The following ETFDH variants were observed in gnomAD, a reference collection of about 807,000 sequenced individuals.
ETFDH encodes the protein electron transfer flavoprotein-ubiquinone oxidoreductase, mitochondrial.
A neutral mutation model predicts 73.2 loss-of-function variants in ETFDH; 61 were observed. The ratio of observed to expected loss-of-function variants is 0.83; its 90% confidence interval spans 0.68 to 1.03. The LOEUF is 1.03. ETFDH is among the 50% of genes least tolerant of loss of function. The pLI is 0.00. For synonymous variants in ETFDH, 243 were observed against 253.3 expected (o/e 0.96, Z 0.39); for missense variants, 685 against 745.0 (o/e 0.92, Z 0.94).
chr4:158,674,196 G>A (rs1773656535), intron 1 of ETFDH, among the ~76,000 whole-genome samples: 2 of 151,992 alleles, frequency 1.3e-5, no homozygotes, highest in Non-Finnish European at 2.9e-5. Context: ...TTGAACTCTT[G>A]AACTGAGTTC....
chr4:158,698,567 G>A (rs555523339), intron 8 of ETFDH, among the ~76,000 whole-genome samples: 1 of 151,852 alleles, frequency 6.6e-6, no homozygotes, highest in Non-Finnish European at 1.5e-5. Context: ...AATTGGTATT[G>A]ATTAATGTAT....
intron 3 of ETFDH, among the ~76,000 whole-genome samples, chr4:158,684,055 A>G (rs1177353599): frequency 6.6e-6 from 1 of 152,186 alleles, no homozygotes; most frequent in African/African-American, 2.4e-5. Flanking sequence ...CAAGACTCCC[A>G]AGAAATATAT....
At chr4:158,702,456 C>T (rs1774489605) in intron 9 of ETFDH, among the ~76,000 whole-genome samples, 1 of 152,008 alleles carries the variant, frequency 6.6e-6, no homozygotes, top group South Asian at 2.1e-4. Context: ...CCATATCCCG[C>T]CCCCACGCCC....
At chr4:158,691,285 T>C (rs1321632911) in intron 6 of ETFDH, among the ~76,000 whole-genome samples, 2 of 152,242 alleles carry the variant, frequency 1.3e-5, no homozygotes, top group South Asian at 2.1e-4. Flanking sequence ...TTTGCATTAC[T>C]ATCAGTAGGT....
rs1314979421 is a variant in ETFDH, at chr4:158,672,600, G to C, written c.34+110G>C. 8 of 1,100,648 alleles carry C rather than the reference G, an allele frequency of 7.3e-6. No individual in the cohort carries two copies. In the South Asian group the frequency reaches 1.0e-4, roughly 14 times the overall value. The allele number at this position is 1,100,648 out of a possible 1,614,324, so 68.2% of individuals were successfully genotyped here. ...GCCCCTTCTCTCATCAGCTTTCTCA[G>C]GCTATCTAGGGCAAAGGTCACGCGC... On this transcript the variant is annotated intron_variant, in intron 1 of 12. Coordinates refer to ENST00000511912, the MANE Select transcript of ETFDH (RefSeq NM_004453.4).
At position 158,697,562 on chromosome 4, in the gene ETFDH, TG is replaced by T. The variant is rs1561246744; in HGVS notation, c.838del (p.Val280LeufsTer12). On this transcript the variant is annotated frameshift_variant, in exon 8 of 13. Coordinates refer to ENST00000511912, the MANE Select transcript of ETFDH (RefSeq NM_004453.4). LOFTEE classifies it high-confidence loss of function. ...QTYGIGLKEL[W>X]VIDEKNWKPG... The stretch of plus-strand genomic sequence containing the variant: ...TGTTTGCTTTTTTTTTTTTTAGTTA[TG>T]GGTTATTGATGAAAAGAACTGGAAA... The T allele has an allele frequency of 6.2e-7, 1 of 1,611,564 alleles. No homozygotes were observed. The highest frequency in any genetic ancestry group is 8.5e-7 in the Non-Finnish European group (1 of 1,179,056).
Position 158,703,607 on chromosome 4 carries a change from G to A in ETFDH, c.1285+16G>A, listed in dbSNP as rs889305414. ...AAGACAATAGGTAAGAAATTCCTGT[G>A]TAAAGTATACAAAAGAAAATTGCTG... is the stretch of plus-strand genomic sequence containing the variant. On this transcript the variant is annotated intron_variant, in intron 10 of 12. Coordinates refer to ENST00000511912, the MANE Select transcript of ETFDH (RefSeq NM_004453.4). The A allele has an allele frequency of 9.9e-6, 15 of 1,521,772 alleles. No individual in the cohort carries two copies. Among genetic ancestry groups the A allele is most frequent in the Non-Finnish European group, 1.4e-5 (15 of 1,097,364 alleles). 94.3% of individuals were successfully genotyped at this position (1,521,772 alleles called of 1,614,324 possible). A position where few individuals can be genotyped will look rare whatever the true frequency, so the allele number is the denominator to read the frequency against.
intron 5 of ETFDH, among the ~76,000 whole-genome samples, chr4:158,689,150 G>A (rs543845922): frequency 6.6e-6 from 1 of 152,258 alleles, no homozygotes; most frequent in East Asian, 1.9e-4. Flanking sequence ...TGAAAGAAAA[G>A]TTATTGGCAG....
intron 3 of ETFDH, among the ~76,000 whole-genome samples, chr4:158,682,701 T>A (rs528537736): frequency 1.4e-4 from 21 of 152,022 alleles, no homozygotes; most frequent in African/African-American, 5.1e-4. Context: ...TCCCAGCTAA[T>A]TTTTTGTATT....
chr4:158,678,453 G>A (rs184212487), intron 1 of ETFDH, among the ~76,000 whole-genome samples: 73 of 152,006 alleles, frequency 4.8e-4, no homozygotes, highest in Admixed American at 6.5e-4. Flanking sequence ...ATCATATCAG[G>A]GATACATGGT....
At position 158,708,471 on chromosome 4, in the gene ETFDH, A is replaced by C. The variant is rs770905850; in HGVS notation, c.1798A>C (p.Asn600His). The C allele has an allele frequency of 2.5e-6, 4 of 1,613,110 alleles. No individual in the cohort carries two copies. The highest frequency in any genetic ancestry group is 3.4e-6 in the Non-Finnish European group (4 of 1,179,186). ...ATGTGATATTAAAGATCCAAGTCAG[A>C]ATATTAACTGGGTGGTACCTGAAGG... ...KTCDIKDPSQNINWVVPEGGG... is the reference protein window; with the variant it reads ...KTCDIKDPSQHINWVVPEGGG... Residue 600 changes from asparagine (N) to histidine (H), a missense_variant, in exon 13 of 13, where the codon AAT (asparagine) becomes CAT (histidine). Transcript: ENST00000511912.
rs10672606 is a variant in ETFDH at position 158,690,689 on chromosome 4, A to AAAGAAG, written c.684+270_684+275dup. Among the ~76,000 whole-genome samples the AAAGAAG allele has an allele frequency of 0.012, 1,759 of 151,628 alleles. 29 individuals carry two copies. Among genetic ancestry groups the AAAGAAG allele is most frequent in the African/African-American group, 0.038 (1,567 of 41,306 alleles). On this transcript the variant is annotated intron_variant, in intron 6 of 12. Coordinates refer to ENST00000511912, the MANE Select transcript of ETFDH (RefSeq NM_004453.4). ...CAGAGCAAAACCCTGTCTTAAAAAA[A>AAAGAAG]AAGAAGAAGAAAGAACCAACTTTGA...
chr4:158,680,564 C>T lies in ETFDH; in HGVS notation c.132C>T (p.Thr44=). The T allele has an allele frequency of 6.2e-7, 1 of 1,608,348 alleles. No homozygotes were observed. Among genetic ancestry groups the T allele is most frequent in the Non-Finnish European group, 8.5e-7 (1 of 1,174,888 alleles). ...SSTSTVPRIT[T]HYTIYPRDKD... ...CTTCTACTGTGCCTCGAATTACTACCCATTATACTATTTATCCCCGGGATA... is the reference window on the plus strand; with the variant it reads ...CTTCTACTGTGCCTCGAATTACTACTCATTATACTATTTATCCCCGGGATA... The change falls in exon 2 of 13, where the codon ACC becomes ACT. Residue 44 remains threonine (T), a synonymous_variant. Coordinates refer to ENST00000511912, the MANE Select transcript of ETFDH (RefSeq NM_004453.4).
intron 9 of ETFDH, 102 bp downstream of exon 9, chr4:158,699,232 T>A: frequency 1.0e-6 from 1 of 982,534 alleles, no homozygotes; most frequent in Non-Finnish European, 1.6e-6. Context: ...AATATTGGAA[T>A]AGGAAAAGTA....
intron 9 of ETFDH, among the ~76,000 whole-genome samples, chr4:158,701,936 A>G (rs1245921564): frequency 6.6e-6 from 1 of 152,192 alleles, no homozygotes; most frequent in Non-Finnish European, 1.5e-5. Context: ...TTAATCAGAA[A>G]TGTATACCAA....
Position 158,697,642 on chromosome 4 carries a change from A to C in ETFDH, c.915A>C (p.Gly305=). 1 of 1,613,262 alleles carries C rather than the reference A, an allele frequency of 6.2e-7. No individual in the cohort carries two copies. Among genetic ancestry groups the C allele is most frequent in the Non-Finnish European group, 8.5e-7 (1 of 1,179,518 alleles). ...VGWPLDRHTY[G]GSFLYHLNEG... is the part of the protein sequence containing the mutation. ...GGCCCTTGGACAGACATACCTATGG[A>C]GGATCTTTCCTCTATCATTTGAATG... The change falls in exon 8 of 13, where the codon GGA becomes GGC. Residue 305 remains glycine (G), a synonymous_variant. Coordinates refer to ENST00000511912, the MANE Select transcript of ETFDH (RefSeq NM_004453.4).
chr4:158,708,233 A>AATC, intron 12 of ETFDH, 131 bp from the exon 13 acceptor site: 1 of 652,396 alleles, frequency 1.5e-6, no homozygotes, highest in East Asian at 2.7e-5. Flanking sequence ...AGGTCTTCAT[A>AATC]ATCTCTATGG....
At chr4:158,692,411 A>G (rs1201940059) in intron 6 of ETFDH, among the ~76,000 whole-genome samples, 2 of 146,362 alleles carry the variant, frequency 1.4e-5, no homozygotes, top group Admixed American at 6.8e-5. Context: ...AAAAAAAAAA[A>G]AAAAAAAAAA....
intron 1 of ETFDH, chr4:158,679,172 T>C (rs960787297): frequency 6.6e-6 from 1 of 152,230 alleles, no homozygotes; most frequent in Non-Finnish European, 1.5e-5. Context: ...ATTCTTTTTT[T>C]AATTATTCTA....
Sources: gnomAD v4.1 joint callset for allele counts (sites outside exome capture counted in the v4.1 genomes callset) on GRCh38, gnomAD v4.1.1 for gene constraint, MANE v1.5 for transcripts, NCBI Gene and HGNC (gene_info 2026-07-23, HGNC 2026-07-21) for gene names.